Variants in ALDH1A2 observed in about 807,000 individuals in gnomAD.
The protein encoded by ALDH1A2 is retinal dehydrogenase 2.
In ALDH1A2, 27 loss-of-function variants were observed where a neutral mutation model predicts 60.3. The ratio of observed to expected loss-of-function variants is 0.45; its 90% confidence interval spans 0.33 to 0.62. The LOEUF (loss-of-function observed/expected upper bound fraction) is 0.62. Ranked by LOEUF, ALDH1A2 falls within the 20% of genes least tolerant of loss-of-function variation. The pLI is 0.02. For missense variants in ALDH1A2, 581 were observed against 643.8 expected, an observed-to-expected ratio of 0.90 and a Z score of 1.06; for synonymous variants, 289 against 232.4, an observed-to-expected ratio of 1.24 and a Z score of -2.21.
chr15:58,048,423 T>C (rs1896688248), intron 1 of ALDH1A2, among the ~76,000 whole-genome samples: 1 of 152,016 alleles, frequency 6.6e-6, no homozygotes, highest in Non-Finnish European at 1.5e-5. Context: ...CTTCTGAAAG[T>C]GAAAGGACAC....
At chr15:58,036,804 A>G (rs1166519638) in intron 1 of ALDH1A2, 2 of 151,744 alleles carry the variant, frequency 1.3e-5, no homozygotes, top group African/African-American at 4.8e-5. Context: ...ATAAGCAGTG[A>G]AGGAGTTTGC....
intron 4 of ALDH1A2, among the ~76,000 whole-genome samples, chr15:58,002,081 T>A (rs1043015900): frequency 1.3e-5 from 2 of 151,906 alleles, no homozygotes; most frequent in Admixed American, 1.3e-4. Flanking sequence ...CAGTCAGAGG[T>A]AACTTTTCTG....
At chr15:57,996,609 C>CA (rs1481804818) in intron 4 of ALDH1A2, among the ~76,000 whole-genome samples, 1 of 150,936 alleles carries the variant, frequency 6.6e-6, no homozygotes, top group African/African-American at 2.4e-5. Context: ...TACTAAGGGA[C>CA]ATAGAAGTCA....
chr15:58,006,705 C>CTT (rs57137492), intron 4 of ALDH1A2, among the ~76,000 whole-genome samples: 58,464 of 138,612 alleles, frequency 0.42, 13,431 homozygotes, highest in Non-Finnish European at 0.52. Context: ...AAATTATGGA[C>CTT]TTTTTTTTTT....
intron 7 of ALDH1A2, among the ~76,000 whole-genome samples, chr15:57,986,832 C>T (rs1894719921): frequency 6.6e-6 from 1 of 152,016 alleles, no homozygotes; most frequent in Non-Finnish European, 1.5e-5. Context: ...AACACCACGC[C>T]TGGCTAGAGA....
intron 1 of ALDH1A2, among the ~76,000 whole-genome samples, chr15:58,036,134 G>C (rs34958088): frequency 0.42 from 63,643 of 151,442 alleles, 13,726 homozygotes; most frequent in Non-Finnish European, 0.47. Context: ...AGAAGTAATA[G>C]TATATTTTTA....
At chr15:58,046,575 T>C (rs1162898774) in intron 1 of ALDH1A2, among the ~76,000 whole-genome samples, 2 of 152,028 alleles carry the variant, frequency 1.3e-5, no homozygotes, top group African/African-American at 2.4e-5. Flanking sequence ...TTGCCACTTG[T>C]GTAAATCCTG....
At chr15:57,989,250 G>A (rs1459114473) in intron 7 of ALDH1A2, among the ~76,000 whole-genome samples, 3 of 152,144 alleles carry the variant, frequency 2.0e-5, no homozygotes, top group African/African-American at 7.2e-5. Context: ...GATGACATCA[G>A]TGATGAACAT....
At chr15:58,044,213 A>C (rs557390254) in intron 1 of ALDH1A2, among the ~76,000 whole-genome samples, 1 of 152,064 alleles carries the variant, frequency 6.6e-6, no homozygotes, top group African/African-American at 2.4e-5. Context: ...CTAGGTATAC[A>C]TGTGCCATGG....
rs144943024 is a variant in ALDH1A2, at chr15:57,992,549, C to A, written c.798+156G>T. 2.4e-3 allele frequency among the ~76,000 whole-genome samples: 361 copies of A among 152,288 alleles called. 1 individual carries two copies. The highest frequency in any genetic ancestry group is 8.4e-3 in the African/African-American group (348 of 41,550). On this transcript the variant is annotated intron_variant, in intron 7 of 12. Coordinates refer to ENST00000249750, the MANE Select transcript of ALDH1A2 (RefSeq NM_003888.4). ...TCCCTGTGTGCCTTTGCTTTCACAT[C>A]CACCAGTGTTCTATGACACCAATGT...
At chr15:57,992,462 C>CT (rs1894927967) in intron 7 of ALDH1A2, among the ~76,000 whole-genome samples, 1 of 152,186 alleles carries the variant, frequency 6.6e-6, no homozygotes, top group Admixed American at 6.5e-5. Flanking sequence ...ACCCCACCTT[C>CT]TGGGATAGTT....
At chr15:58,009,218 C>T (rs1396540426) in intron 4 of ALDH1A2, among the ~76,000 whole-genome samples, 1 of 151,966 alleles carries the variant, frequency 6.6e-6, no homozygotes, top group Admixed American at 6.6e-5. Context: ...TCACAACAGC[C>T]ACCTAACTTG....
At chr15:57,974,933 C>G (rs1596074679) in intron 7 of ALDH1A2, among the ~76,000 whole-genome samples, 1 of 152,190 alleles carries the variant, frequency 6.6e-6, no homozygotes, top group Non-Finnish European at 1.5e-5. Context: ...AGATACTTCA[C>G]CAGAGAAGAT....
intron 1 of ALDH1A2, among the ~76,000 whole-genome samples, chr15:58,045,530 G>A (rs148926072): frequency 3.3e-5 from 5 of 152,214 alleles, no homozygotes; most frequent in African/African-American, 1.2e-4. Flanking sequence ...TAAAGAAAAT[G>A]TGAAACATAT....
chr15:57,974,656 A>G (rs1305649990), intron 7 of ALDH1A2, among the ~76,000 whole-genome samples: 4 of 152,102 alleles, frequency 2.6e-5, no homozygotes, highest in Non-Finnish European at 4.4e-5. Flanking sequence ...GTAAAACACA[A>G]AACTATAAAA....
At chr15:58,058,819 C>T (rs1365132817) in intron 1 of ALDH1A2, among the ~76,000 whole-genome samples, 1 of 152,138 alleles carries the variant, frequency 6.6e-6, no homozygotes. Context: ...AAAAGAAAGG[C>T]TTCCTTCTAT....
intron 5 of ALDH1A2, 128 bp downstream of exon 5, chr15:57,994,950 A>T: frequency 2.2e-6 from 2 of 902,482 alleles, no homozygotes; most frequent in Non-Finnish European, 3.7e-6. Context: ...AGATATGTCA[A>T]CAACATGAGC....
intron 1 of ALDH1A2, among the ~76,000 whole-genome samples, chr15:58,033,289 T>C (rs1215232333): frequency 7.5e-6 from 1 of 133,982 alleles, no homozygotes; most frequent in African/African-American, 2.7e-5. Flanking sequence ...TATTCTGTTA[T>C]ATCAGGACTT....
intron 5 of ALDH1A2, among the ~76,000 whole-genome samples, chr15:57,994,583 A>T (rs1894991593): frequency 6.6e-6 from 1 of 152,162 alleles, no homozygotes; most frequent in Non-Finnish European, 1.5e-5. Flanking sequence ...AAGACACATA[A>T]CAGCTCGGCA....
Sources: gnomAD v4.1 joint callset for allele counts (sites outside exome capture counted in the v4.1 genomes callset) on GRCh38, gnomAD v4.1.1 for gene constraint, MANE v1.5 for transcripts, NCBI Gene and HGNC (gene_info 2026-07-23, HGNC 2026-07-21) for gene names.